SETD5: variants seen among roughly 807,000 people sequenced by gnomAD.
The protein encoded by SETD5 is SET domain containing 5.
Under a neutral mutation model 153.3 loss-of-function variants are expected in SETD5, and 44 were observed. The observed-to-expected ratio is 0.29, with a 90% CI of 0.23 to 0.37. The LOEUF is 0.37. Among genes scored for constraint, SETD5 ranks in the 10% least tolerant of loss-of-function variants. The probability of loss-of-function intolerance (pLI) is 1.00; values close to 1 mark genes in which losing one functional copy is unlikely to be tolerated. For synonymous variants in SETD5, 716 were observed against 645.2 expected (o/e 1.11, Z -1.66); for missense variants, 1,544 against 1,768.0 (o/e 0.87, Z 2.27).
At chr3:9,475,240 G>A in intron 22 of SETD5, 84 bp downstream of exon 22, 1 of 1,325,102 alleles carries the variant, frequency 7.5e-7, no homozygotes, top group South Asian at 1.3e-5. Context: ...CCATTGAGAT[G>A]CTGTCTTTGC....
At chr3:9,446,306 A>AAC (rs1553624516) in intron 13 of SETD5, among the ~76,000 whole-genome samples, 7,385 of 120,138 alleles carry the variant, frequency 0.061, 1,570 homozygotes, top group African/African-American at 0.19. Context: ...AAAAAAAAAA[A>AAC]AATCTGGTTT....
At chr3:9,402,404 T>C (rs956340860) in intron 1 of SETD5, among the ~76,000 whole-genome samples, 5 of 152,160 alleles carry the variant, frequency 3.3e-5, no homozygotes, top group Admixed American at 2.6e-4. Flanking sequence ...TATACCATCA[T>C]ATTGATTTTG....
intron 1 of SETD5, among the ~76,000 whole-genome samples, chr3:9,399,665 GCTTAATCTTCA>G (rs1279429469): frequency 6.6e-6 from 1 of 152,136 alleles, no homozygotes. Context: ...AAAGACCAAA[GCTTAATCTTCA>G]CTCCTAAACT....
In SETD5 at chr3:9,434,172, A is replaced by G. The variant is rs1296041632; in HGVS notation, c.178-162A>G. 1 of 1,549,826 alleles carries G rather than the reference A, an allele frequency of 6.5e-7. No homozygotes were observed. Among genetic ancestry groups the G allele is most frequent in the East Asian group, 2.4e-5 (1 of 41,008 alleles). Reference sequence around the variant, plus strand: ...TTATCACTTTCCTGGTTGAAGCCAAAAAACAAAGGGTACTACTTTCTTCTT... The same window carrying G: ...TTATCACTTTCCTGGTTGAAGCCAAGAAACAAAGGGTACTACTTTCTTCTT... On this transcript the variant is annotated intron_variant, in intron 4 of 22. Transcript: ENST00000402198. The surrounding 1 kb of genome is among the most constrained non-coding windows in gnomAD (Gnocchi z 5.6).
At chr3:9,456,994 AAG>A (rs924154237) in intron 17 of SETD5, among the ~76,000 whole-genome samples, 2 of 151,732 alleles carry the variant, frequency 1.3e-5, no homozygotes, top group African/African-American at 2.4e-5. Context: ...GAAAGAAAGA[AAG>A]AGAGGGAGGG....
At chr3:9,448,695 G>T in intron 16 of SETD5, 65 bp downstream of exon 16, 1 of 1,395,244 alleles carries the variant, frequency 7.2e-7, no homozygotes, top group African/African-American at 1.5e-5. Context: ...TTAAGCCTAA[G>T]ATTCCTATCA....
intron 19 of SETD5, among the ~76,000 whole-genome samples, chr3:9,472,396 A>G (rs1349048126): frequency 6.8e-6 from 1 of 147,692 alleles, no homozygotes; most frequent in Non-Finnish European, 1.5e-5. Context: ...AAGGTGTACT[A>G]GGCAGGGCAC....
In SETD5 at chr3:9,441,754, T is replaced by G. The variant is rs1486095388; in HGVS notation, c.959+13T>G. 1.9e-6 allele frequency: 3 copies of G among 1,613,842 alleles called. No individual in the cohort carries two copies. Among genetic ancestry groups the G allele is most frequent in the Non-Finnish European group, 1.7e-6 (2 of 1,179,834 alleles). Reference sequence around the variant, plus strand: ...ATTTCTTCAAAAAGTAAGAACGTCATTCATTGAGCAGTGAGGGCTAAGGTG... The same window carrying G: ...ATTTCTTCAAAAAGTAAGAACGTCAGTCATTGAGCAGTGAGGGCTAAGGTG... On this transcript the variant is annotated intron_variant, in intron 9 of 22. Coordinates refer to ENST00000402198, the MANE Select transcript of SETD5 (RefSeq NM_001080517.3).
intron 3 of SETD5, 50 bp downstream of exon 3, chr3:9,429,059 C>A (rs1177497744): frequency 1.5e-6 from 2 of 1,358,488 alleles, no homozygotes; most frequent in Non-Finnish European, 2.1e-6. Flanking sequence ...TGTGTGGAGA[C>A]AGCCTTCTTA....
At chr3:9,469,402 C>T (rs1275822811) in intron 18 of SETD5, among the ~76,000 whole-genome samples, 1 of 152,164 alleles carries the variant, frequency 6.6e-6, no homozygotes, top group Admixed American at 6.5e-5. Flanking sequence ...TAGAGTCTCT[C>T]AGAAATAGTC....
intron 3 of SETD5, chr3:9,430,617 T>C (rs183822520): frequency 1.5e-5 from 3 of 197,840 alleles, no homozygotes; most frequent in East Asian, 3.7e-4. Flanking sequence ...AACCTGGTAC[T>C]ATGTAGATTG....
intron 1 of SETD5, among the ~76,000 whole-genome samples, chr3:9,419,189 A>G (rs949825803): frequency 1.3e-5 from 2 of 152,224 alleles, no homozygotes; most frequent in Non-Finnish European, 2.9e-5. Context: ...ACATAGGCAA[A>G]CCTGAACAGT....
intron 17 of SETD5, among the ~76,000 whole-genome samples, chr3:9,455,715 A>G (rs558546489): frequency 1.1e-4 from 16 of 152,274 alleles, no homozygotes; most frequent in East Asian, 1.9e-4. Flanking sequence ...TTGTGTATCT[A>G]TCTGGTGTGT....
At chr3:9,474,313 T>TA (rs1183438346) in intron 20 of SETD5, 136 bp from the exon 21 acceptor site, 6 of 910,808 alleles carry the variant, frequency 6.6e-6, no homozygotes, top group East Asian at 2.7e-5. Context: ...GCAGAGGAAA[T>TA]ACGTTGTTTT....
chr3:9,402,537 T>C (rs1392124302), intron 1 of SETD5, among the ~76,000 whole-genome samples: 5 of 152,142 alleles, frequency 3.3e-5, no homozygotes, highest in Non-Finnish European at 7.4e-5. Flanking sequence ...TTAAAACACT[T>C]AAGTTTTTAC....
At chr3:9,456,301 C>A (rs1383310760) in intron 17 of SETD5, among the ~76,000 whole-genome samples, 1 of 151,730 alleles carries the variant, frequency 6.6e-6, no homozygotes, top group Non-Finnish European at 1.5e-5. Context: ...CATGGTGAAA[C>A]CCTGTCTCTA....
At chr3:9,400,585 A>G (rs1288619918) in intron 1 of SETD5, among the ~76,000 whole-genome samples, 1 of 152,218 alleles carries the variant, frequency 6.6e-6, no homozygotes, top group Non-Finnish European at 1.5e-5. Flanking sequence ...TGGTTTCTAA[A>G]TAAATATTTT....
intron 1 of SETD5, among the ~76,000 whole-genome samples, chr3:9,408,322 A>G (rs2036047312): frequency 1.3e-5 from 2 of 152,124 alleles, no homozygotes; most frequent in Admixed American, 1.3e-4. Context: ...TTTTCCCATT[A>G]GGTGGTAGTA....
chr3:9,428,907 C>G lies in SETD5; in HGVS notation c.-32C>G. The G allele has an allele frequency of 6.3e-7, 1 of 1,585,892 alleles. No individual in the cohort carries two copies. Among genetic ancestry groups the G allele is most frequent in the South Asian group, 1.1e-5 (1 of 88,816 alleles). On this transcript the variant is annotated 5_prime_UTR_variant, in exon 3 of 23. Transcript: ENST00000402198. ...TGGTCAGTCTCCATTAATTGGACCCCGTGATTTCCAATCTCTGCTGTGTTG... is the reference window on the plus strand; with the variant it reads ...TGGTCAGTCTCCATTAATTGGACCCGGTGATTTCCAATCTCTGCTGTGTTG...
Sources: gnomAD v4.1 joint callset for allele counts (sites outside exome capture counted in the v4.1 genomes callset) on GRCh38, gnomAD v4.1.1 for gene constraint, Gnocchi (gnomAD v3.1) non-coding constraint, MANE v1.5 for transcripts, NCBI Gene and HGNC (gene_info 2026-07-23, HGNC 2026-07-21) for gene names.